The following HSH2D variants were observed in gnomAD, a reference collection of about 807,000 sequenced individuals.
The protein encoded by HSH2D is hematopoietic SH2 domain containing, also known as hematopoietic SH2 domain-containing protein.
Under a neutral mutation model 21.5 loss-of-function variants are expected in HSH2D, and 16 were observed. The ratio of observed to expected loss-of-function variants is 0.74; its 90% CI spans 0.50 to 1.13. The LOEUF (loss-of-function observed/expected upper bound fraction) is 1.13. Ranked by LOEUF, HSH2D falls within the 50% of genes most tolerant of loss-of-function variation. The pLI, the probability that HSH2D is intolerant of heterozygous loss-of-function variation, is 0.00. For synonymous variants in HSH2D, 172 were observed against 184.7 expected (o/e 0.93, Z 0.56); for missense variants, 418 against 441.4 (o/e 0.95, Z 0.47).
intron 1 of HSH2D, among the ~76,000 whole-genome samples, chr19:16,144,295 G>A (rs1599411338): frequency 6.6e-6 from 1 of 151,986 alleles, no homozygotes; most frequent in Non-Finnish European, 1.5e-5. Context: ...ATGGAGTCAT[G>A]GCTGGACCAG....
intron 1 of HSH2D, among the ~76,000 whole-genome samples, chr19:16,147,524 G>A: frequency 6.7e-6 from 1 of 149,608 alleles, no homozygotes. Context: ...GGCATAAGAA[G>A]AATAAAAGGA....
intron 2 of HSH2D, among the ~76,000 whole-genome samples, chr19:16,149,686 A>G (rs766093136): frequency 2.0e-5 from 3 of 149,532 alleles, no homozygotes; most frequent in Non-Finnish European, 4.4e-5. Flanking sequence ...TCCTGGGTTC[A>G]AGCAATCCTC....
At chr19:16,140,496 T>C (rs2090992692), upstream of HSH2D, among the ~76,000 whole-genome samples, 1 of 151,446 alleles carries the variant, frequency 6.6e-6, no homozygotes, top group Non-Finnish European at 1.5e-5. Flanking sequence ...TCTCAGCTAC[T>C]GGGGAGACTG....
chr19:16,140,340 C>A (rs1027199074), upstream of HSH2D, among the ~76,000 whole-genome samples: 2 of 152,032 alleles, frequency 1.3e-5, no homozygotes, highest in Admixed American at 1.3e-4. Flanking sequence ...ATAAATACTT[C>A]AGGCCTATAA....
At position 16,153,112 on chromosome 19, in the gene HSH2D, G is replaced by A. The variant is rs767193480; in HGVS notation, c.285G>A (p.Glu95=). The part of the protein sequence containing the change: ...LDDGTFMIPG[E]KVAHTSLDAL... ...ATGGGACTTTCATGATCCCCGGGGA[G>A]AAGGTGGCCCACACCTCGCTGGACG... The change falls in exon 4 of 6, where the codon GAG becomes GAA. Residue 95 remains glutamate, a synonymous_variant. Coordinates refer to ENST00000613986, the MANE Select transcript of HSH2D (RefSeq NM_001382417.1). The A allele has an allele frequency of 6.2e-7, 1 of 1,607,620 alleles. No individual in the cohort carries two copies.
intron 1 of HSH2D, among the ~76,000 whole-genome samples, chr19:16,144,166 G>A (rs2091031797): frequency 1.3e-5 from 2 of 152,066 alleles, no homozygotes; most frequent in Admixed American, 6.6e-5. Context: ...CCTCCTCTGT[G>A]CCAGGCCAGC....
At position 16,153,058 on chromosome 19, in the gene HSH2D, C is replaced by T. The variant is rs1360374780; in HGVS notation, c.231C>T (p.Cys77=). 6 of 1,610,980 alleles carry T rather than the reference C, an allele frequency of 3.7e-6. No homozygotes were observed. Among genetic ancestry groups the T allele is most frequent in the Non-Finnish European group, 5.1e-6 (6 of 1,178,696 alleles). ...GTCTCCGCAGAGCCCAAAGCAGCTG[C>T]TGCCATTTCATGGTGAAGCTCTTGG... The part of the protein sequence containing the change: ...YTLSYKAQSS[C]CHFMVKLLDD... Residue 77 remains cysteine, a synonymous_variant, in exon 4 of 6, where the codon TGC becomes TGT. Coordinates refer to ENST00000613986, the MANE Select transcript of HSH2D (RefSeq NM_001382417.1).
At chr19:16,145,692 G>C (rs1401817861) in intron 1 of HSH2D, among the ~76,000 whole-genome samples, 2 of 152,168 alleles carry the variant, frequency 1.3e-5, no homozygotes, top group Non-Finnish European at 2.9e-5. Context: ...CCTCCTCATA[G>C]AGACAGCCCA....
At chr19:16,138,282 T>G (rs1018380584) in intron 1 of HSH2D, among the ~76,000 whole-genome samples, 1 of 152,216 alleles carries the variant, frequency 6.6e-6, no homozygotes, top group Admixed American at 6.5e-5. Flanking sequence ...CAGTGCTTCC[T>G]TCCTTTCTGT....
chr19:16,152,335 G>A (rs188491156), intron 2 of HSH2D, among the ~76,000 whole-genome samples: 82 of 150,226 alleles, frequency 5.5e-4, no homozygotes, highest in African/African-American at 2.0e-3. Context: ...GGAGAATGGC[G>A]TGAATCCGGG....
intron 2 of HSH2D, chr19:16,151,475 C>T (rs993475739): frequency 2.2e-6 from 1 of 455,008 alleles, no homozygotes; most frequent in African/African-American, 2.0e-5. Context: ...TTACTCTCCC[C>T]TTGAGGAAGC....
rs995921379 is a variant in HSH2D at position 16,135,439 on chromosome 19, CAAAA to C, written c.-324+1207_-324+1210del. Among the ~76,000 whole-genome samples the C allele has an allele frequency of 6.1e-4, 92 of 151,510 alleles. 1 individual carries two copies. The highest frequency in any genetic ancestry group is 2.0e-3 in the African/African-American group (82 of 41,354). Reference sequence around the variant, plus strand: ...GCAAGACCCTTTCTCAAAAAAAAAACAAAAAACCTCCCCAGGTCTTCCTTGGGCT... The same window carrying C: ...GCAAGACCCTTTCTCAAAAAAAAAACAACCTCCCCAGGTCTTCCTTGGGCT... On this transcript the variant is annotated intron_variant, in intron 1 of 7. Coordinates refer to the HSH2D transcript ENST00000616645.
At position 16,153,107 on chromosome 19, in the gene HSH2D, G is replaced by A. The variant is rs1048229895; in HGVS notation, c.280G>A (p.Gly94Arg). The change falls in exon 4 of 6, where the codon GGG becomes AGG. Residue 94 changes from glycine (G) to arginine (R), a missense_variant. Physicochemically the swap from Gly to Arg is moderately radical, Grantham distance 125. Coordinates refer to ENST00000613986, the MANE Select transcript of HSH2D (RefSeq NM_001382417.1). ...LLDDGTFMIP[G>R]EKVAHTSLDA... The stretch of plus-strand genomic sequence containing the variant: ...GGATGATGGGACTTTCATGATCCCC[G>A]GGGAGAAGGTGGCCCACACCTCGCT... 6.8e-6 allele frequency: 11 copies of A among 1,607,808 alleles called. No individual in the cohort carries two copies. The highest frequency in any genetic ancestry group is 1.7e-5 in the Admixed American group (1 of 58,996).
At chr19:16,145,998 C>T (rs1015015912) in intron 1 of HSH2D, among the ~76,000 whole-genome samples, 3 of 151,548 alleles carry the variant, frequency 2.0e-5, no homozygotes, top group African/African-American at 7.3e-5. Context: ...ATCACTTGAA[C>T]CTGGGAGGCG....
intron 1 of HSH2D, 130 bp downstream of exon 1, chr19:16,143,904 C>G: frequency 3.0e-5 from 7 of 237,272 alleles, no homozygotes; most frequent in South Asian, 6.3e-5. Flanking sequence ...GGGAGAGCTT[C>G]GTGGAGGAGG....
intron 5 of HSH2D, chr19:16,155,619 C>CTTTTTTTT (rs35262744): frequency 8.8e-6 from 1 of 114,176 alleles, no homozygotes; most frequent in African/African-American, 3.3e-5. Flanking sequence ...CATGGGAGGA[C>CTTTTTTTT]TTTTTTTTTT....
At chr19:16,145,299 G>A (rs140385097) in intron 1 of HSH2D, among the ~76,000 whole-genome samples, 10,348 of 151,954 alleles carry the variant, frequency 0.068, 379 homozygotes, top group African/African-American at 0.082. Context: ...TGCAACCTCC[G>A]CCTCCCAGAT....
At position 16,151,830 on chromosome 19, in the gene HSH2D, G is replaced by A. The variant is rs570085079; in HGVS notation, c.126-722G>A. Among the ~76,000 whole-genome samples the A allele has an allele frequency of 2.1e-4, 31 of 151,118 alleles. No homozygotes were observed. The South Asian group carries it at 6.3e-3, about 31-fold the overall frequency. On this transcript the variant is annotated intron_variant, in intron 2 of 5. Coordinates refer to ENST00000613986, the MANE Select transcript of HSH2D (RefSeq NM_001382417.1). ...TTTGTTCATTTAGAAAACAGGCCGG[G>A]CACAGTGGCTCACACCTGTAATCCC...
chr19:16,135,614 A>C, intron 1 of HSH2D, among the ~76,000 whole-genome samples: 1 of 151,200 alleles, frequency 6.6e-6, no homozygotes, highest in Non-Finnish European at 1.5e-5. Context: ...TTCACTCCAC[A>C]CTCATCACTG....
Sources: allele counts gnomAD v4.1 joint callset (sites outside exome capture counted in the v4.1 genomes callset), GRCh38; gene constraint gnomAD v4.1.1; transcripts MANE v1.5; gene names NCBI Gene and HGNC (gene_info 2026-07-23, HGNC 2026-07-21).